ATP10A: variants seen among roughly 807,000 people sequenced by gnomAD.
ATP10A encodes phospholipid-transporting ATPase VA.
ATP10A carries 111 observed loss-of-function variants against 147.8 expected under a neutral mutation model. The ratio of observed to expected loss-of-function variants is 0.75; its 90% CI spans 0.64 to 0.88. ATP10A has a LOEUF of 0.88. Among genes scored for constraint, ATP10A ranks in the 40% least tolerant of loss-of-function variants. ATP10A has a pLI of 0.00. For synonymous variants in ATP10A, 875 were observed against 841.6 expected (o/e 1.04, Z -0.69); for missense variants, 1,927 against 1,959.0 (o/e 0.98, Z 0.31).
At chr15:25,757,501 C>T (rs544798038) in intron 2 of ATP10A, among the ~76,000 whole-genome samples, 101 of 151,722 alleles carry the variant, frequency 6.7e-4, no homozygotes, top group African/African-American at 2.3e-3. Context: ...TAAAAAAGAG[C>T]AATTCTATCT....
chr15:25,789,399 A>G (rs1043024132), intron 1 of ATP10A, among the ~76,000 whole-genome samples: 1 of 152,132 alleles, frequency 6.6e-6, no homozygotes, highest in African/African-American at 2.4e-5. Context: ...CACTTTAAAC[A>G]AACAGCAAAT....
At chr15:25,712,947 G>T (rs889548207) in intron 10 of ATP10A, among the ~76,000 whole-genome samples, 3 of 152,208 alleles carry the variant, frequency 2.0e-5, no homozygotes, top group South Asian at 4.1e-4. Flanking sequence ...CCAGTGGGAG[G>T]TAAAGTACTC....
At chr15:25,771,819 G>A (rs1207457398) in intron 2 of ATP10A, among the ~76,000 whole-genome samples, 24 of 151,156 alleles carry the variant, frequency 1.6e-4, no homozygotes, top group Non-Finnish European at 5.9e-5. Flanking sequence ...GCATGATCTC[G>A]GCTCACTGCA....
intron 1 of ATP10A, among the ~76,000 whole-genome samples, chr15:25,834,851 A>C (rs1041984224): frequency 6.6e-6 from 1 of 152,208 alleles, no homozygotes; most frequent in African/African-American, 2.4e-5. Flanking sequence ...TGTGAACGAA[A>C]CCAGTTACAA....
chr15:25,785,304 A>G (rs1381691081), intron 1 of ATP10A, among the ~76,000 whole-genome samples: 2 of 152,150 alleles, frequency 1.3e-5, no homozygotes, highest in Non-Finnish European at 2.9e-5. Flanking sequence ...GGGTCCTTAT[A>G]AGAGAAAGGC....
At chr15:25,716,393 G>A (rs1008723676) in intron 9 of ATP10A, among the ~76,000 whole-genome samples, 1 of 152,160 alleles carries the variant, frequency 6.6e-6, no homozygotes, top group African/African-American at 2.4e-5. Flanking sequence ...ACCCAGGCAG[G>A]CAGGGCCTCC....
intron 2 of ATP10A, among the ~76,000 whole-genome samples, chr15:25,751,254 G>C (rs1428492202): frequency 1.3e-5 from 2 of 152,034 alleles, no homozygotes; most frequent in South Asian, 4.1e-4. Flanking sequence ...TGACAACAAA[G>C]CTTCAAAGTA....
intron 14 of ATP10A, among the ~76,000 whole-genome samples, chr15:25,693,503 T>C (rs1480646304): frequency 2.0e-5 from 3 of 152,090 alleles, no homozygotes; most frequent in African/African-American, 4.8e-5. Context: ...CACGTCTTAC[T>C]GTGTACTGTG....
At chr15:25,711,457 G>C (rs17555995) in intron 10 of ATP10A, among the ~76,000 whole-genome samples, 5,973 of 152,186 alleles carry the variant, frequency 0.039, 160 homozygotes, top group East Asian at 0.15. Context: ...GGTCACAGGT[G>C]GGTAACTTCG....
chr15:25,682,416 G>A (rs1899471324), intron 17 of ATP10A, among the ~76,000 whole-genome samples: 1 of 152,160 alleles, frequency 6.6e-6, no homozygotes. Context: ...CAGCTGGCAC[G>A]GGACCTGCAG....
At chr15:25,691,087 A>G (rs1341617177) in intron 15 of ATP10A, among the ~76,000 whole-genome samples, 1 of 152,238 alleles carries the variant, frequency 6.6e-6, no homozygotes, top group Admixed American at 6.5e-5. Flanking sequence ...CCTGGTTTTT[A>G]GAACTTCGGA....
chr15:25,706,808 A>C (rs1175803847), intron 12 of ATP10A, among the ~76,000 whole-genome samples: 1 of 152,166 alleles, frequency 6.6e-6, no homozygotes, highest in African/African-American at 2.4e-5. Flanking sequence ...CCCCACAGTG[A>C]AGGGTTAAAA....
At chr15:25,789,591 T>TGA (rs147843643) in intron 1 of ATP10A, among the ~76,000 whole-genome samples, 3 of 151,254 alleles carry the variant, frequency 2.0e-5, no homozygotes, top group Non-Finnish European at 4.4e-5. Context: ...TGTGTGTGTG[T>TGA]GACAGAGACA....
chr15:25,797,493 T>G (rs2140767908), intron 1 of ATP10A, among the ~76,000 whole-genome samples: 1 of 150,738 alleles, frequency 6.6e-6, no homozygotes, highest in African/African-American at 2.4e-5. Flanking sequence ...AACTCAATTC[T>G]TCCTGACTTT....
At position 25,679,667 on chromosome 15, in the gene ATP10A, C is replaced by T; in HGVS notation, c.4174G>A (p.Ala1392Thr). The T allele has an allele frequency of 1.2e-6, 2 of 1,613,310 alleles. No homozygotes were observed. Among genetic ancestry groups the T allele is most frequent in the Non-Finnish European group, 1.7e-6 (2 of 1,180,010 alleles). Residue 1392 changes from alanine to threonine, a missense_variant, in exon 21 of 21, where the codon GCC (alanine) becomes ACC (threonine). By Grantham distance (58) the Ala-to-Thr change is moderately conservative (BLOSUM62 0). Coordinates refer to ENST00000555815, the MANE Select transcript of ATP10A (RefSeq NM_024490.4). ...HTLLEGLSAP[A>T]PMSSAPGEAV... ...TCCCCTGGCGCAGAGGACATGGGGG[C>T]CGGTGCGCTCAGCCCCTCCAGCAGG...
intron 1 of ATP10A, among the ~76,000 whole-genome samples, chr15:25,803,268 C>T (rs921950929): frequency 2.0e-5 from 3 of 152,216 alleles, no homozygotes; most frequent in African/African-American, 7.2e-5. Context: ...AATGATGCTT[C>T]GCCCACTGGG....
At chr15:25,806,688 C>A (rs1212105930) in intron 1 of ATP10A, among the ~76,000 whole-genome samples, 1 of 152,148 alleles carries the variant, frequency 6.6e-6, no homozygotes, top group Non-Finnish European at 1.5e-5. Context: ...ATCTAACGTA[C>A]AAAATATGAG....
At chr15:25,740,059 G>A (rs1234246778) in intron 2 of ATP10A, among the ~76,000 whole-genome samples, 1 of 152,218 alleles carries the variant, frequency 6.6e-6, no homozygotes, top group African/African-American at 2.4e-5. Context: ...TAATTCAGCA[G>A]TGCCCAGATT....
intron 1 of ATP10A, among the ~76,000 whole-genome samples, chr15:25,796,183 T>A (rs1890662821): frequency 6.6e-6 from 1 of 152,150 alleles, no homozygotes. Context: ...ACATCTGTAA[T>A]CCCAGCACTT....
Sources: allele counts gnomAD v4.1 joint callset (sites outside exome capture counted in the v4.1 genomes callset), GRCh38; gene constraint gnomAD v4.1.1; transcripts MANE v1.5; gene names NCBI Gene and HGNC (gene_info 2026-07-23, HGNC 2026-07-21).